TEX36: variants seen among roughly 807,000 people sequenced by gnomAD.
TEX36 encodes the protein testis expressed 36.
TEX36 carries 12 observed loss-of-function variants against 13.6 expected under a neutral mutation model. The observed-to-expected ratio is 0.88, with a 90% CI of 0.56 to 1.43. TEX36 has a LOEUF of 1.43. Ranked by LOEUF, TEX36 falls within the 40% of genes most tolerant of loss-of-function variation. The pLI is 0.00. For missense variants in TEX36, 224 were observed against 228.3 expected, an observed-to-expected ratio of 0.98 and a Z score of 0.12; for synonymous variants, 93 against 83.0, an observed-to-expected ratio of 1.12 and a Z score of -0.65.
intron 3 of TEX36, among the ~76,000 whole-genome samples, chr10:125,628,310 T>A (rs1208828593): frequency 1.3e-5 from 2 of 152,236 alleles, no homozygotes; most frequent in Non-Finnish European, 2.9e-5. Context: ...GATTTCCACC[T>A]CAGCACCCTG....
At chr10:125,608,058 G>A (rs998800421) in intron 3 of TEX36, among the ~76,000 whole-genome samples, 9 of 152,188 alleles carry the variant, frequency 5.9e-5, no homozygotes, top group African/African-American at 2.2e-4. Flanking sequence ...CACAGATCTG[G>A]CTCTCACAGA....
At chr10:125,658,467 A>G (rs1219127619) in intron 3 of TEX36, among the ~76,000 whole-genome samples, 1 of 152,158 alleles carries the variant, frequency 6.6e-6, no homozygotes, top group African/African-American at 2.4e-5. Context: ...GCAGAAATTG[A>G]CAGATCAATA....
chr10:125,667,696 G>A (rs1042411208), intron 1 of TEX36: 3 of 741,952 alleles, frequency 4.0e-6, no homozygotes, highest in Non-Finnish European at 7.4e-6. Context: ...CCTTCTTCTG[G>A]TAGAGTGTCT....
At chr10:125,586,661 G>A (rs530439347) in intron 3 of TEX36, among the ~76,000 whole-genome samples, 35 of 136,072 alleles carry the variant, frequency 2.6e-4, no homozygotes, top group Non-Finnish European at 5.1e-4. Context: ...AAAAAAATTA[G>A]CCAGGCATGG....
intron 3 of TEX36, among the ~76,000 whole-genome samples, chr10:125,611,752 G>T (rs1476689557): frequency 6.6e-6 from 1 of 151,660 alleles, no homozygotes; most frequent in African/African-American, 2.4e-5. Context: ...TTTTTCCTTA[G>T]TATTATGCTA....
downstream of TEX36, among the ~76,000 whole-genome samples, chr10:125,652,437 T>C (rs1160384920): frequency 6.6e-6 from 1 of 152,166 alleles, no homozygotes; most frequent in Non-Finnish European, 1.5e-5. Context: ...TAGCCATATG[T>C]AGAAAGCTGA....
At chr10:125,652,932 A>G (rs1846882569), downstream of TEX36, among the ~76,000 whole-genome samples, 1 of 152,188 alleles carries the variant, frequency 6.6e-6, no homozygotes, top group African/African-American at 2.4e-5. Context: ...TCAAACCACA[A>G]TGAGATACCA....
intron 3 of TEX36, among the ~76,000 whole-genome samples, chr10:125,628,028 C>G (rs1009919426): frequency 9.9e-5 from 15 of 152,168 alleles, no homozygotes; most frequent in African/African-American, 3.6e-4. Context: ...TATGCCTACA[C>G]TCACTGGTTA....
chr10:125,588,608 T>G (rs1381687484), intron 3 of TEX36, among the ~76,000 whole-genome samples: 3 of 151,582 alleles, frequency 2.0e-5, no homozygotes, highest in Non-Finnish European at 4.4e-5. Flanking sequence ...TTTGTTTGTT[T>G]GTTTGTTTGT....
downstream of TEX36, among the ~76,000 whole-genome samples, chr10:125,620,051 T>C (rs1846410857): frequency 6.6e-6 from 1 of 152,174 alleles, no homozygotes; most frequent in Admixed American, 6.5e-5. Flanking sequence ...GTATTTAGCT[T>C]TGCTCTTTGA....
intron 1 of TEX36, among the ~76,000 whole-genome samples, chr10:125,669,769 C>A (rs1847192398): frequency 6.6e-6 from 1 of 152,118 alleles, no homozygotes; most frequent in Non-Finnish European, 1.5e-5. Flanking sequence ...CCGTAACAGG[C>A]CCCAGTGTGT....
intron 3 of TEX36, among the ~76,000 whole-genome samples, chr10:125,656,603 A>G (rs114040711): frequency 0.026 from 3,984 of 151,646 alleles, 178 homozygotes; most frequent in African/African-American, 0.091. Context: ...GTTACTTGAC[A>G]TGTATATGTT....
At chr10:125,625,714 A>G (rs1217211772) in intron 3 of TEX36, among the ~76,000 whole-genome samples, 1 of 152,260 alleles carries the variant, frequency 6.6e-6, no homozygotes, top group Non-Finnish European at 1.5e-5. Flanking sequence ...ACAGAGAGCA[A>G]GGAACAGAAC....
At chr10:125,674,161 A>G (rs1181368338) in intron 1 of TEX36, among the ~76,000 whole-genome samples, 1 of 152,104 alleles carries the variant, frequency 6.6e-6, no homozygotes, top group African/African-American at 2.4e-5. Flanking sequence ...GTCTTATTTC[A>G]GCAAGACAGT....
At chr10:125,577,012 CTT>C (rs1845832958) in intron 3 of TEX36, 2 of 1,165,382 alleles carry the variant, frequency 1.7e-6, no homozygotes, top group Admixed American at 2.2e-5. Context: ...TTTAGTGAGA[CTT>C]AGCCTGAGCC....
intron 3 of TEX36, among the ~76,000 whole-genome samples, chr10:125,601,087 A>G (rs1846140080): frequency 6.6e-6 from 1 of 152,258 alleles, no homozygotes. Flanking sequence ...TAGAAGACTC[A>G]GGAAAATTAA....
At chr10:125,663,641 G>A (rs1041261483) in intron 1 of TEX36, among the ~76,000 whole-genome samples, 2 of 152,106 alleles carry the variant, frequency 1.3e-5, no homozygotes, top group Non-Finnish European at 2.9e-5. Context: ...GCATTCCCCT[G>A]ATGATTAGTG....
chr10:125,664,414 A>G (rs1403271239), intron 1 of TEX36, among the ~76,000 whole-genome samples: 1 of 152,156 alleles, frequency 6.6e-6, no homozygotes, highest in Admixed American at 6.5e-5. Flanking sequence ...AGGAACCTCT[A>G]TACTATTTTC....
At chr10:125,614,568 G>C (rs1226494237) in intron 3 of TEX36, among the ~76,000 whole-genome samples, 1 of 152,048 alleles carries the variant, frequency 6.6e-6, no homozygotes, top group Non-Finnish European at 1.5e-5. Flanking sequence ...TTCTTCTCAG[G>C]TTTGTCAAAG....
Sources: allele counts gnomAD v4.1 joint callset (sites outside exome capture counted in the v4.1 genomes callset), GRCh38; gene constraint gnomAD v4.1.1; transcripts MANE v1.5; gene names NCBI Gene and HGNC (gene_info 2026-07-23, HGNC 2026-07-21).